Variants in RPL6 observed in about 807,000 individuals in gnomAD.
RPL6 encodes ribosomal protein L6, also known as large ribosomal subunit protein eL6.
RPL6 carries 1 observed loss-of-function variant against 32.1 expected under a neutral mutation model. That is an observed-to-expected ratio of 0.03 (90% CI 0.01 to 0.15). RPL6 has a LOEUF of 0.15. RPL6 is among the 10% of genes least tolerant of loss of function. The probability of loss-of-function intolerance (pLI) is 1.00; values close to 1 mark genes in which losing one functional copy is unlikely to be tolerated. For synonymous variants in RPL6, 126 were observed against 131.6 expected (o/e 0.96, Z 0.29); for missense variants, 275 against 354.6 (o/e 0.78, Z 1.80).
In RPL6 at chr12:112,406,448, A is replaced by T. The variant is rs930382728; in HGVS notation, c.481-106T>A. ...TTGGGTAAAGGAAATTTCTACATGT[A>T]TATGTATACAGCTCGGCAGTTCTGG... On this transcript the variant is annotated intron_variant, in intron 4 of 6. Transcript: ENST00000202773. 5.0e-6 allele frequency: 5 copies of T among 995,344 alleles called. No homozygotes were observed. The East Asian group carries it at 7.6e-5, about 15-fold the overall frequency. The allele number at this position is 995,344 out of a possible 1,614,324, so 61.7% of individuals were successfully genotyped here. A position where few individuals can be genotyped will look rare whatever the true frequency, so the allele number is the denominator to read the frequency against.
At chr12:112,417,560 CTTTTTTT>C (rs1209085428) in intron 1 of RPL6, among the ~76,000 whole-genome samples, 53 of 75,078 alleles carry the variant, frequency 7.1e-4, no homozygotes, top group South Asian at 5.9e-3. Flanking sequence ...CCCGGCCCGG[CTTTTTTT>C]TTTTTTTTTT....
In RPL6 at chr12:112,409,589, T is replaced by C; in HGVS notation, c.-3A>G. ...GCAGACAGGCCCGCGATTCTTACCT[T>C]GCAAGATGGGAAAGAGAATTAAGGT... On this transcript the variant is annotated splice_region_variant and 5_prime_UTR_variant, in exon 1 of 7. Coordinates refer to ENST00000202773, the MANE Select transcript of RPL6 (RefSeq NM_000970.6). 1 of 398,492 alleles carries C rather than the reference T, an allele frequency of 2.5e-6. No individual in the cohort carries two copies. The highest frequency in any genetic ancestry group is 4.4e-6 in the Non-Finnish European group (1 of 226,032). The allele number at this position is 398,492 out of a possible 1,614,324, so 24.7% of individuals were successfully genotyped here.
intron 3 of RPL6, 53 bp from the exon 4 acceptor site, chr12:112,406,943 G>GT: frequency 6.3e-7 from 1 of 1,596,334 alleles, no homozygotes; most frequent in Non-Finnish European, 8.6e-7. Flanking sequence ...CAGATTACTA[G>GT]AAGCAAGCTA....
At chr12:112,406,538 A>G in intron 4 of RPL6, 196 bp from the exon 5 acceptor site, 1 of 810,822 alleles carries the variant, frequency 1.2e-6, no homozygotes, top group Non-Finnish European at 1.9e-6. Flanking sequence ...GTAAATGAAC[A>G]TGTGTAACAT....
chr12:112,409,103 A>T (rs1490913126), intron 1 of RPL6: 3 of 245,594 alleles, frequency 1.2e-5, no homozygotes, highest in African/African-American at 6.7e-5. Context: ...TCGATTTAGG[A>T]ATTGCGGACA....
chr12:112,408,129 CTA>C, intron 3 of RPL6, 109 bp downstream of exon 3: 1 of 764,878 alleles, frequency 1.3e-6, no homozygotes, highest in South Asian at 1.8e-5. Flanking sequence ...CCTTTATTTT[CTA>C]TCAGAAATTC....
At chr12:112,405,764 C>T in intron 6 of RPL6, 89 bp downstream of exon 6, 2 of 1,089,248 alleles carry the variant, frequency 1.8e-6, no homozygotes, top group Non-Finnish European at 2.7e-6. Flanking sequence ...TTTAACCTTT[C>T]ATTTTTCTTC....
upstream of RPL6, among the ~76,000 whole-genome samples, chr12:112,414,320 C>T (rs535267270): frequency 6.3e-4 from 96 of 152,258 alleles, no homozygotes; most frequent in Non-Finnish European, 1.1e-3. Flanking sequence ...AGGGGAGTGA[C>T]GTGATTAGAT....
chr12:112,414,915 A>G (rs2037386644), upstream of RPL6, among the ~76,000 whole-genome samples: 2 of 151,968 alleles, frequency 1.3e-5, no homozygotes. Flanking sequence ...AAAAAAAACA[A>G]AACAAAAAAA....
chr12:112,416,087 T>C (rs2037404371), intron 1 of RPL6, among the ~76,000 whole-genome samples: 3 of 144,304 alleles, frequency 2.1e-5, no homozygotes, highest in Admixed American at 7.0e-5. Context: ...GCCTCCTGAG[T>C]AGCTGGGACT....
intron 3 of RPL6, chr12:112,407,110 T>C: frequency 2.1e-6 from 1 of 482,100 alleles, no homozygotes; most frequent in East Asian, 3.6e-5. Context: ...GAATGAGATG[T>C]GTGCTCAAGC....
rs182951806 is a variant in RPL6 at position 112,406,963 on chromosome 12, A to C, written c.337-73T>G. The C allele has an allele frequency of 4.0e-6, 6 of 1,494,164 alleles. No homozygotes were observed. The East Asian group carries it at 1.1e-4, about 28-fold the overall frequency. 92.6% of individuals were successfully genotyped at this position (1,494,164 alleles called of 1,614,324 possible). On this transcript the variant is annotated intron_variant, in intron 3 of 6. Transcript: ENST00000202773. The stretch of plus-strand genomic sequence containing the variant: ...TACTAGAAGCAAGCTATGTCAGCCA[A>C]ACTTTTGCTACAGCCTTTTTATTTT...
At chr12:112,412,515 G>A (rs922369090), upstream of RPL6, among the ~76,000 whole-genome samples, 16 of 148,974 alleles carry the variant, frequency 1.1e-4, no homozygotes, top group East Asian at 2.0e-4. Context: ...TCGCTCTGTC[G>A]CCCAGGCTGG....
intron 6 of RPL6, 167 bp downstream of exon 6, chr12:112,405,686 G>A: frequency 1.5e-6 from 1 of 663,038 alleles, no homozygotes; most frequent in Non-Finnish European, 2.5e-6. Flanking sequence ...TGAGCTCCCA[G>A]ACTGCCAAAA....
At chr12:112,406,652 G>A in intron 4 of RPL6, 95 bp downstream of exon 4, 1 of 1,479,568 alleles carries the variant, frequency 6.8e-7, no homozygotes, top group Non-Finnish European at 9.1e-7. Flanking sequence ...CCAAACATAG[G>A]TAAATAAAGG....
rs1198762668 is a variant in RPL6, at chr12:112,408,319, T to C, written c.257A>G (p.Glu86Gly). The C allele has an allele frequency of 6.2e-7, 1 of 1,614,158 alleles. No individual in the cohort carries two copies. The highest frequency in any genetic ancestry group is 1.1e-5 in the South Asian group (1 of 91,072). Residue 86 changes from glutamate (E) to glycine (G), a missense_variant, in exon 3 of 7, where the codon GAG becomes GGG. Transcript: ENST00000202773. Reference sequence around the variant, plus strand: ...TTTTGTAACAGTTGCGAGAACCTTCTCCTTCTTTTTCTTTTCAACCTACAA... The same window carrying C: ...TTTTGTAACAGTTGCGAGAACCTTCCCCTTCTTTTTCTTTTCAACCTACAA... ...AKSKVEKKKKEKVLATVTKPV... is the reference protein window; with the variant it reads ...AKSKVEKKKKGKVLATVTKPV...
At position 112,408,269 on chromosome 12, in the gene RPL6, C is replaced by A; in HGVS notation, c.307G>T (p.Gly103Cys). 6.2e-7 allele frequency: 1 copy of A among 1,614,140 alleles called. No homozygotes were observed. The highest frequency in any genetic ancestry group is 1.3e-5 in the African/African-American group (1 of 75,038). ...TTGCGAAGTTTAACCACCCGGGTAC[C>A]GCCGTTCTTGTCACCACCAACTGGT... is the stretch of plus-strand genomic sequence containing the variant. ...TKPVGGDKNG[G>C]TRVVKLRKMP... is the part of the protein sequence containing the mutation. The change falls in exon 3 of 7, where the codon GGT becomes TGT. Residue 103 changes from glycine to cysteine, a missense_variant. Physicochemically the swap from Gly to Cys is radical, Grantham distance 159. Coordinates refer to ENST00000202773, the MANE Select transcript of RPL6 (RefSeq NM_000970.6).
chr12:112,411,874 A>G (rs1594113180), upstream of RPL6, among the ~76,000 whole-genome samples: 1 of 150,858 alleles, frequency 6.6e-6, no homozygotes, highest in African/African-American at 2.4e-5. Flanking sequence ...TTTTGCAGAC[A>G]CTTAATCTTT....
chr12:112,405,536 A>G (rs755238468), intron 6 of RPL6, 160 bp from the exon 7 acceptor site: 1 of 771,506 alleles, frequency 1.3e-6, no homozygotes, highest in African/African-American at 1.8e-5. Flanking sequence ...GTGAAACACA[A>G]CCCATTTTTT....
Sources: gnomAD v4.1 joint callset for allele counts (sites outside exome capture counted in the v4.1 genomes callset) on GRCh38, gnomAD v4.1.1 for gene constraint, MANE v1.5 for transcripts, NCBI Gene and HGNC (gene_info 2026-07-23, HGNC 2026-07-21) for gene names.